Variants in NEUROG2 observed in about 807,000 individuals in gnomAD.
The protein encoded by NEUROG2 is neurogenin-2.
NEUROG2 carries 1 observed loss-of-function variant against 2.8 expected under a neutral mutation model. That is an observed-to-expected ratio of 0.36 (90% confidence interval 0.13 to 1.71). The LOEUF (loss-of-function observed/expected upper bound fraction) is 1.71. Ranked by LOEUF, NEUROG2 falls within the 40% of genes most tolerant of loss-of-function variation. The pLI, the probability that NEUROG2 is intolerant of heterozygous loss-of-function variation, is 0.34. For missense variants in NEUROG2, 397 were observed against 392.7 expected, an observed-to-expected ratio of 1.01 and a Z score of -0.09; for synonymous variants, 211 against 187.7, an observed-to-expected ratio of 1.12 and a Z score of -1.01.
At position 112,514,220 on chromosome 4, in the gene NEUROG2, C is replaced by T. The variant is rs990614236; in HGVS notation, c.*437G>A. 8.3e-5 allele frequency: 14 copies of T among 169,278 alleles called. No individual in the cohort carries two copies. The highest frequency in any genetic ancestry group is 1.8e-4 in the Non-Finnish European group (14 of 79,716). The allele number at this position is 169,278 out of a possible 1,614,324, so 10.5% of individuals were successfully genotyped here. A position where few individuals can be genotyped will look rare whatever the true frequency, so the allele number is the denominator to read the frequency against. On this transcript the variant is annotated 3_prime_UTR_variant, in exon 2 of 2. Coordinates refer to ENST00000313341, the MANE Select transcript of NEUROG2 (RefSeq NM_024019.4). ...TTCTTTCTACTCGACATTAACATCT[C>T]TATGTAGAAGCAAAGGTGAAGAGAT...
chr4:112,514,742 C>G lies in NEUROG2; in HGVS notation c.734G>C (p.Gly245Ala). The change falls in exon 2 of 2, where the codon GGG becomes GCG. Residue 245 changes from glycine to alanine, a missense_variant. Transcript: ENST00000313341. ...GGGCTGCCAATAGTCCATGTCTGAC[C>G]CGGCCGGGCTGGCGGGCGATAAAGT... is the stretch of plus-strand genomic sequence containing the variant. ...SCTLSPASPA[G>A]SDMDYWQPPP... 1 of 1,531,016 alleles carries G rather than the reference C, an allele frequency of 6.5e-7. No individual in the cohort carries two copies. 94.8% of individuals were successfully genotyped at this position (1,531,016 alleles called of 1,614,324 possible). A position where few individuals can be genotyped will look rare whatever the true frequency, so the allele number is the denominator to read the frequency against.
Position 112,515,121 on chromosome 4 carries a change from T to C in NEUROG2, c.355A>G (p.Asn119Asp). The change falls in exon 2 of 2, where the codon AAC becomes GAC. Residue 119 changes from asparagine to aspartate, a missense_variant. Physicochemically the swap from Asn to Asp is conservative, Grantham distance 23. Coordinates refer to ENST00000313341, the MANE Select transcript of NEUROG2 (RefSeq NM_024019.4). The stretch of plus-strand genomic sequence containing the variant: ...TTGTGCATGCGGTTTCGCTCGCGGT[T>C]GTTGGCCTTCAGTCTACGGGTCTTC... ...IKKTRRLKAN[N>D]RERNRMHNLN... 6.2e-7 allele frequency: 1 copy of C among 1,613,874 alleles called. No homozygotes were observed. The highest frequency in any genetic ancestry group is 8.5e-7 in the Non-Finnish European group (1 of 1,179,892).
chr4:112,513,933 A>G lies in NEUROG2; in HGVS notation c.*724T>C, dbSNP rs573756453. On this transcript the variant is annotated 3_prime_UTR_variant, in exon 2 of 2. Transcript: ENST00000313341. ...ACAATGACTTCTAACCTGCCCCTCT[A>G]ACAAAACAAGTTTTTTTCCCCTTAT... is the stretch of plus-strand genomic sequence containing the variant. 6.5e-6 allele frequency: 1 copy of G among 152,768 alleles called. No individual in the cohort carries two copies. Among genetic ancestry groups the G allele is most frequent in the East Asian group, 1.9e-4 (1 of 5,182 alleles). 9.5% of individuals were successfully genotyped at this position (152,768 alleles called of 1,614,324 possible).
Position 112,514,652 on chromosome 4 carries a change from C to G in NEUROG2, c.*5G>C. 1.3e-6 allele frequency: 2 copies of G among 1,493,268 alleles called. No individual in the cohort carries two copies. The highest frequency in any genetic ancestry group is 1.8e-6 in the Non-Finnish European group (2 of 1,123,578). The allele number at this position is 1,493,268 out of a possible 1,614,324, so 92.5% of individuals were successfully genotyped here. On this transcript the variant is annotated 3_prime_UTR_variant, in exon 2 of 2. Transcript: ENST00000313341. ...GGCCTGGCGTGGGTAGCAGAAATGG[C>G]AGCTCTAGATACAATCCCTGGCTAT...
Position 112,513,788 on chromosome 4 carries a change from A to C in NEUROG2, c.*869T>G, listed in dbSNP as rs528778593. On this transcript the variant is annotated 3_prime_UTR_variant, in exon 2 of 2. Transcript: ENST00000313341. ...TCTCCCCTAAAAGGTCGAAATAAAT[A>C]ATACATGAGGCAATCCTCCCTCCTG... is the stretch of plus-strand genomic sequence containing the variant. 6.6e-6 allele frequency: 1 copy of C among 152,658 alleles called. No homozygotes were observed. Among genetic ancestry groups the C allele is most frequent in the African/African-American group, 2.4e-5 (1 of 41,470 alleles). 9.5% of individuals were successfully genotyped at this position (152,658 alleles called of 1,614,324 possible).
rs1736380595 is a variant in NEUROG2, at chr4:112,514,561, G to A, written c.*96C>T. On this transcript the variant is annotated 3_prime_UTR_variant, in exon 2 of 2. Transcript: ENST00000313341. ...CCTGTGAAGTGAGATGGTTTCCAGG[G>A]CGTGGAAAGGAGGGGCAGGGGAAGG... 1 of 972,230 alleles carries A rather than the reference G, an allele frequency of 1.0e-6. No homozygotes were observed. The highest frequency in any genetic ancestry group is 1.5e-6 in the Non-Finnish European group (1 of 684,216). 60.2% of individuals were successfully genotyped at this position (972,230 alleles called of 1,614,324 possible).
chr4:112,515,687 C>T (rs1183225429), intron 1 of NEUROG2, 160 bp downstream of exon 1: 4 of 387,938 alleles, frequency 1.0e-5, no homozygotes, highest in Non-Finnish European at 1.8e-5. Context: ...GCCAGTCAGC[C>T]GGGTCCTGCC....
Position 112,514,987 on chromosome 4 carries a change from T to G in NEUROG2, c.489A>C (p.Ala163=), listed in dbSNP as rs1305596466. ...TLRFAHNYIW[A]LTETLRLADH... is the part of the protein sequence containing the mutation. ...CCGCCAGGCGCAGGGTCTCGGTGAGTGCCCAGATGTAGTTGTGGGCGAAGC... is the reference window on the plus strand; with the variant it reads ...CCGCCAGGCGCAGGGTCTCGGTGAGGGCCCAGATGTAGTTGTGGGCGAAGC... Residue 163 remains alanine (A), a synonymous_variant, in exon 2 of 2, where the codon GCA becomes GCC. Transcript: ENST00000313341. 1.9e-6 allele frequency: 3 copies of G among 1,612,126 alleles called. No individual in the cohort carries two copies. In the East Asian group the frequency reaches 6.7e-5, roughly 36 times the overall value.
rs1260387591 is a variant in NEUROG2, at chr4:112,514,816, G to A, written c.660C>T (p.Pro220=). Residue 220 remains proline (P), a synonymous_variant, in exon 2 of 2, where the codon CCC becomes CCT. Transcript: ENST00000313341. The stretch of plus-strand genomic sequence containing the variant: ...TGGAGGACACGGAGGAGGACGGCGC[G>A]GGGCTGTTGGTGCAACTCCACGTGG... ...PASTWSCTNS[P]APSSSVSSNS... The A allele has an allele frequency of 1.3e-6, 2 of 1,576,086 alleles. No individual in the cohort carries two copies. Among genetic ancestry groups the A allele is most frequent in the Admixed American group, 2.0e-5 (1 of 50,120 alleles).
rs1399585778 is a variant in NEUROG2 at position 112,515,217 on chromosome 4, T to G, written c.259A>C (p.Lys87Gln). 1.2e-6 allele frequency: 2 copies of G among 1,606,234 alleles called. No homozygotes were observed. Among genetic ancestry groups the G allele is most frequent in the South Asian group, 1.1e-5 (1 of 91,006 alleles). ...ARLLGLVHDC[K>Q]RRPSRARAVS... ...GCCCGCGCCCGGGAAGGGCGCCGTTTGCAATCGTGTACCAGACCCAGCAGC... is the reference window on the plus strand; with the variant it reads ...GCCCGCGCCCGGGAAGGGCGCCGTTGGCAATCGTGTACCAGACCCAGCAGC... Residue 87 changes from lysine (K) to glutamine (Q), a missense_variant, in exon 2 of 2, where the codon AAA becomes CAA. By Grantham distance (53) the Lys-to-Gln change is moderately conservative. Transcript: ENST00000313341.
In NEUROG2 at chr4:112,514,741, C is replaced by A. The variant is rs1198173450; in HGVS notation, c.735G>T (p.Gly245=). 6.5e-7 allele frequency: 1 copy of A among 1,530,982 alleles called. No individual in the cohort carries two copies. The highest frequency in any genetic ancestry group is 2.2e-5 in the Admixed American group (1 of 45,226). The allele number at this position is 1,530,982 out of a possible 1,614,324, so 94.8% of individuals were successfully genotyped here. Residue 245 remains glycine (G), a synonymous_variant, in exon 2 of 2, where the codon GGG becomes GGT. Transcript: ENST00000313341. ...GGGGCTGCCAATAGTCCATGTCTGA[C>A]CCGGCCGGGCTGGCGGGCGATAAAG... ...SCTLSPASPA[G]SDMDYWQPPP...
chr4:112,514,587 G>A lies in NEUROG2; in HGVS notation c.*70C>T. 1 of 1,296,434 alleles carries A rather than the reference G, an allele frequency of 7.7e-7. No individual in the cohort carries two copies. Among genetic ancestry groups the A allele is most frequent in the Non-Finnish European group, 1.0e-6 (1 of 966,314 alleles). The allele number at this position is 1,296,434 out of a possible 1,614,324, so 80.3% of individuals were successfully genotyped here. On this transcript the variant is annotated 3_prime_UTR_variant, in exon 2 of 2. Coordinates refer to ENST00000313341, the MANE Select transcript of NEUROG2 (RefSeq NM_024019.4). ...CGTGGAAAGGAGGGGCAGGGGAAGG[G>A]AGGAGGGCTCGACTGGGGACAGGAA...
rs1736409166 is a variant in NEUROG2 at position 112,515,300 on chromosome 4, G to A, written c.176C>T (p.Ala59Val). 6.9e-7 allele frequency: 1 copy of A among 1,443,470 alleles called. No homozygotes were observed. Among genetic ancestry groups the A allele is most frequent in the East Asian group, 2.9e-5 (1 of 34,222 alleles). The allele number at this position is 1,443,470 out of a possible 1,614,324, so 89.4% of individuals were successfully genotyped here. The change falls in exon 2 of 2, where the codon GCC becomes GTC. Residue 59 changes from alanine to valine, a missense_variant. Transcript: ENST00000313341. ...GGARRQRGAE[A>V]GQGARGGVAA... ...CACGCCGCCCCGCGCCCCCTGCCCG[G>A]CCTCAGCCCCGCGCTGCCGACGCGC...
Position 112,515,348 on chromosome 4 carries a change from TCCTCCTCTTCTTCGTCGG to T in NEUROG2, c.110_127del (p.Ala37_Glu42del). The T allele has an allele frequency of 6.7e-7, 1 of 1,495,840 alleles. No individual in the cohort carries two copies. The highest frequency in any genetic ancestry group is 1.3e-5 in the South Asian group (1 of 74,788). The allele number at this position is 1,495,840 out of a possible 1,614,324, so 92.7% of individuals were successfully genotyped here. Reference sequence around the variant, plus strand: ...CGCCCCGCCTGACGCGCCCGGCTCCTCCTCCTCTTCTTCGTCGGCGCTGGATGACAGCGGGGTCAGGGC... The same window carrying T: ...CGCCCCGCCTGACGCGCCCGGCTCCTCGCTGGATGACAGCGGGGTCAGGGC... On this transcript the variant is annotated inframe_deletion, in exon 2 of 2. Transcript: ENST00000313341.
At position 112,515,335 on chromosome 4, in the gene NEUROG2, C is replaced by A. The variant is rs755988472; in HGVS notation, c.141G>T (p.Ala47=). ...ADEEEEEEPG[A]SGGARRQRGA... ...CGCGCTGCCGACGCGCCCCGCCTGACGCGCCCGGCTCCTCCTCCTCTTCTT... is the reference window on the plus strand; with the variant it reads ...CGCGCTGCCGACGCGCCCCGCCTGAAGCGCCCGGCTCCTCCTCCTCTTCTT... Residue 47 remains alanine, a synonymous_variant, in exon 2 of 2, where the codon GCG becomes GCT. Coordinates refer to ENST00000313341, the MANE Select transcript of NEUROG2 (RefSeq NM_024019.4). 31 of 1,442,450 alleles carry A rather than the reference C, an allele frequency of 2.1e-5. No homozygotes were observed. The South Asian group carries it at 3.7e-4, about 17-fold the overall frequency. 89.4% of individuals were successfully genotyped at this position (1,442,450 alleles called of 1,614,324 possible).
intron 1 of NEUROG2, 151 bp from the exon 2 acceptor site, chr4:112,515,627 C>T: frequency 1.8e-6 from 1 of 549,128 alleles, no homozygotes; most frequent in South Asian, 4.2e-5. Context: ...GAAACCCAGG[C>T]AGTGCTAACC....
In NEUROG2 at chr4:112,514,716, G is replaced by C. The variant is rs143649435; in HGVS notation, c.760C>G (p.Pro254Ala). ...GCATAGCGGTGCTTGTCGGGAGGTG[G>C]GGGCTGCCAATAGTCCATGTCTGAC... ...AGSDMDYWQP[P>A]PPDKHRYAPH... Residue 254 changes from proline (P) to alanine (A), a missense_variant, in exon 2 of 2, where the codon CCA becomes GCA. Physicochemically the swap from Pro to Ala is conservative, Grantham distance 27. Transcript: ENST00000313341. The C allele has an allele frequency of 3.3e-6, 5 of 1,519,214 alleles. No individual in the cohort carries two copies. Among genetic ancestry groups the C allele is most frequent in the Non-Finnish European group, 3.5e-6 (4 of 1,136,492 alleles). The allele number at this position is 1,519,214 out of a possible 1,614,324, so 94.1% of individuals were successfully genotyped here. A position where few individuals can be genotyped will look rare whatever the true frequency, so the allele number is the denominator to read the frequency against.
In NEUROG2 at chr4:112,514,510, C is replaced by A. The variant is rs1736379442; in HGVS notation, c.*147G>T. 14 of 542,064 alleles carry A rather than the reference C, an allele frequency of 2.6e-5. No individual in the cohort carries two copies. In the South Asian group the frequency reaches 7.4e-4, roughly 28 times the overall value. The allele number at this position is 542,064 out of a possible 1,614,324, so 33.6% of individuals were successfully genotyped here. Reference sequence around the variant, plus strand: ...AAAGCCAAGAAATGCAAGAAACAACCGAGGAATCAGAAAGGCTACACCTGC... The same window carrying A: ...AAAGCCAAGAAATGCAAGAAACAACAGAGGAATCAGAAAGGCTACACCTGC... On this transcript the variant is annotated 3_prime_UTR_variant, in exon 2 of 2. Coordinates refer to ENST00000313341, the MANE Select transcript of NEUROG2 (RefSeq NM_024019.4).
rs765783668 is a variant in NEUROG2 at position 112,515,364 on chromosome 4, C to G, written c.112G>C (p.Asp38His). 6.7e-7 allele frequency: 1 copy of G among 1,495,876 alleles called. No homozygotes were observed. Among genetic ancestry groups the G allele is most frequent in the Non-Finnish European group, 8.9e-7 (1 of 1,128,824 alleles). 92.7% of individuals were successfully genotyped at this position (1,495,876 alleles called of 1,614,324 possible). A position where few individuals can be genotyped will look rare whatever the true frequency, so the allele number is the denominator to read the frequency against. The stretch of plus-strand genomic sequence containing the variant: ...CCCGGCTCCTCCTCCTCTTCTTCGT[C>G]GGCGCTGGATGACAGCGGGGTCAGG... ...AALTPLSSSA[D>H]EEEEEEPGAS... Residue 38 changes from aspartate (D) to histidine (H), a missense_variant, in exon 2 of 2, where the codon GAC becomes CAC. By Grantham distance (81) the Asp-to-His change is moderately conservative (BLOSUM62 -1). Transcript: ENST00000313341.
Sources: gnomAD v4.1 joint callset for allele counts on GRCh38, gnomAD v4.1.1 for gene constraint, MANE v1.5 for transcripts, NCBI Gene and HGNC (gene_info 2026-07-23, HGNC 2026-07-21) for gene names.